ATP13A4: variants seen among roughly 807,000 people sequenced by gnomAD.
The protein encoded by ATP13A4 is probable cation-transporting ATPase 13A4.
Under a neutral mutation model 142.5 loss-of-function variants are expected in ATP13A4, and 114 were observed. The observed-to-expected ratio is 0.80, with a 90% CI of 0.69 to 0.93. The LOEUF (loss-of-function observed/expected upper bound fraction) is 0.93. Ranked by LOEUF, ATP13A4 falls within the 40% of genes least tolerant of loss-of-function variation. The pLI is 0.00. For synonymous variants in ATP13A4, 488 were observed against 514.8 expected (o/e 0.95, Z 0.70); for missense variants, 1,392 against 1,454.0 (o/e 0.96, Z 0.69).
intron 9 of ATP13A4, among the ~76,000 whole-genome samples, chr3:193,468,995 A>G (rs1718463137): frequency 6.6e-6 from 1 of 152,208 alleles, no homozygotes; most frequent in Non-Finnish European, 1.5e-5. Context: ...TTTGAGATTT[A>G]TTTGGATTTG....
At chr3:193,444,526 T>C (rs758237443) in intron 18 of ATP13A4, among the ~76,000 whole-genome samples, 14 of 152,204 alleles carry the variant, frequency 9.2e-5, no homozygotes, top group Non-Finnish European at 2.1e-4. Context: ...ACAGAAATGA[T>C]AATGATCTGG....
At chr3:193,538,892 C>CTTTTTTTT (rs67132373) in intron 1 of ATP13A4, among the ~76,000 whole-genome samples, 2 of 120,854 alleles carry the variant, frequency 1.7e-5, no homozygotes, top group African/African-American at 6.1e-5. Flanking sequence ...TTGGTTTTTT[C>CTTTTTTTT]TTTTTTTTTT....
intron 9 of ATP13A4, 69 bp downstream of exon 9, chr3:193,470,790 T>G: frequency 1.2e-6 from 2 of 1,609,050 alleles, no homozygotes; most frequent in Non-Finnish European, 1.7e-6. Context: ...GGAGGAGGCG[T>G]AGGGACCATA....
Position 193,466,124 on chromosome 3 carries a change from A to C in ATP13A4, c.1173T>G (p.Asn391Lys). The change falls in exon 11 of 30, where the codon AAT becomes AAG. Residue 391 changes from asparagine to lysine, a missense_variant. Coordinates refer to ENST00000342695, the MANE Select transcript of ATP13A4 (RefSeq NM_032279.4). ...VRSILYPKPV[N>K]FQLYRDAIRF... is the part of the protein sequence containing the mutation. ...TGATGGCATCCCTGTACAACTGAAA[A>C]TTCACTGGCTTAGGGTAGAGAATGG... The C allele has an allele frequency of 6.2e-7, 1 of 1,614,142 alleles. No homozygotes were observed. The highest frequency in any genetic ancestry group is 1.1e-5 in the South Asian group (1 of 91,080).
At chr3:193,534,704 T>C (rs1722501208) in intron 1 of ATP13A4, among the ~76,000 whole-genome samples, 1 of 152,090 alleles carries the variant, frequency 6.6e-6, no homozygotes, top group African/African-American at 2.4e-5. Context: ...CCTTTAAAAA[T>C]TTGAATAGCA....
At position 193,407,368 on chromosome 3, in the gene ATP13A4, C is replaced by G; in HGVS notation, c.3323G>C (p.Arg1108Thr). 2 of 1,613,572 alleles carry G rather than the reference C, an allele frequency of 1.2e-6. No homozygotes were observed. Among genetic ancestry groups the G allele is most frequent in the Non-Finnish European group, 1.7e-6 (2 of 1,179,602 alleles). The change falls in exon 29 of 30, where the codon AGG (arginine) becomes ACG (threonine). Residue 1108 changes from arginine (R) to threonine (T), a missense_variant. Coordinates refer to ENST00000342695, the MANE Select transcript of ATP13A4 (RefSeq NM_032279.4). ...LDLLCTPVLW[R>T]ASIVIMLSLN... Reference sequence around the variant, plus strand: ...GCTGAGCATGATGACAATGGAGGCCCTCCACAGGACGGGAGTGCAGAGCAG... The same window carrying G: ...GCTGAGCATGATGACAATGGAGGCCGTCCACAGGACGGGAGTGCAGAGCAG...
intron 1 of ATP13A4, among the ~76,000 whole-genome samples, chr3:193,517,556 C>T (rs1362647957): frequency 6.6e-6 from 1 of 152,248 alleles, no homozygotes; most frequent in Non-Finnish European, 1.5e-5. Context: ...TCTCGGCTCA[C>T]TGCAAGCTCC....
chr3:193,564,869 C>T (rs1429695536), intron 2 of ATP13A4, among the ~76,000 whole-genome samples: 4 of 152,066 alleles, frequency 2.6e-5, no homozygotes, highest in Non-Finnish European at 5.9e-5. Flanking sequence ...GTCAGAGCAG[C>T]GGCAACATTA....
chr3:193,561,069 A>G (rs1477484666), intron 2 of ATP13A4, among the ~76,000 whole-genome samples: 7 of 152,198 alleles, frequency 4.6e-5, no homozygotes. Flanking sequence ...CACTCCTAGG[A>G]AAAATCTGGG....
chr3:193,493,028 T>C, intron 4 of ATP13A4, 31 bp from the exon 5 acceptor site: 1 of 1,601,492 alleles, frequency 6.2e-7, no homozygotes, highest in African/African-American at 1.3e-5. Context: ...AGAACATATT[T>C]AGCAATAATA....
In ATP13A4 at chr3:193,457,009, G is replaced by C. The variant is rs781061283; in HGVS notation, c.1906C>G (p.Pro636Ala). Residue 636 changes from proline (P) to alanine (A), a missense_variant, in exon 16 of 30, where the codon CCT (proline) becomes GCT (alanine). Physicochemically the swap from Pro to Ala is conservative, Grantham distance 27 (BLOSUM62 -1). Coordinates refer to ENST00000342695, the MANE Select transcript of ATP13A4 (RefSeq NM_032279.4). ...APERVASFCQPETVPTSFVSE... is the reference protein window; with the variant it reads ...APERVASFCQAETVPTSFVSE... The stretch of plus-strand genomic sequence containing the variant: ...AAGTCAAGTTACAGACCTGTCTCAG[G>C]TTGGCAAAAGCTGGCCACCCTCTCT... 4 of 1,613,230 alleles carry C rather than the reference G, an allele frequency of 2.5e-6. No homozygotes were observed. The highest frequency in any genetic ancestry group is 3.4e-6 in the Non-Finnish European group (4 of 1,179,622).
At chr3:193,581,763 T>G (rs1724550912) in exon 2 of ATP13A4, 1 of 152,082 alleles carries the variant, frequency 6.6e-6, no homozygotes, top group African/African-American at 2.4e-5. Flanking sequence ...CAAGACCCTC[T>G]CTTCTACTCC....
intron 28 of ATP13A4, among the ~76,000 whole-genome samples, chr3:193,408,836 T>A (rs1714631998): frequency 6.6e-6 from 1 of 152,180 alleles, no homozygotes; most frequent in Non-Finnish European, 1.5e-5. Flanking sequence ...GTGTGATGCC[T>A]CTCCCCACTT....
At chr3:193,516,996 A>G (rs1012915482) in intron 1 of ATP13A4, among the ~76,000 whole-genome samples, 1 of 152,216 alleles carries the variant, frequency 6.6e-6, no homozygotes, top group Non-Finnish European at 1.5e-5. Flanking sequence ...TGGGCACTTA[A>G]TAGCCTTTCA....
At chr3:193,523,853 A>G (rs1424330700) in intron 1 of ATP13A4, among the ~76,000 whole-genome samples, 1 of 152,190 alleles carries the variant, frequency 6.6e-6, no homozygotes, top group African/African-American at 2.4e-5. Context: ...CAGATCCATT[A>G]CGAATAGATG....
chr3:193,571,432 CT>C (rs1724264293), intron 2 of ATP13A4, among the ~76,000 whole-genome samples: 1 of 152,172 alleles, frequency 6.6e-6, no homozygotes, highest in African/African-American at 2.4e-5. Flanking sequence ...CTATTCACTC[CT>C]TAACATTGGC....
At chr3:193,407,200 G>T (rs1455818776) in intron 29 of ATP13A4, 113 bp downstream of exon 29, 3 of 869,016 alleles carry the variant, frequency 3.5e-6, no homozygotes, top group East Asian at 2.7e-5. Context: ...GGGAGCCCCT[G>T]CACTGCTGAG....
intron 2 of ATP13A4, among the ~76,000 whole-genome samples, chr3:193,581,510 C>T (rs1420693096): frequency 2.6e-5 from 4 of 152,126 alleles, no homozygotes; most frequent in South Asian, 2.1e-4. Flanking sequence ...ATGCAATGGA[C>T]GTGATAACCA....
At chr3:193,469,606 T>C (rs1012054031) in intron 9 of ATP13A4, among the ~76,000 whole-genome samples, 1 of 152,184 alleles carries the variant, frequency 6.6e-6, no homozygotes, top group African/African-American at 2.4e-5. Context: ...TCAACCTGCG[T>C]GACAGAGTGA....
Sources: gnomAD v4.1 joint callset for allele counts (sites outside exome capture counted in the v4.1 genomes callset) on GRCh38, gnomAD v4.1.1 for gene constraint, MANE v1.5 for transcripts, NCBI Gene and HGNC (gene_info 2026-07-23, HGNC 2026-07-21) for gene names.